SOCS7: variants seen among roughly 807,000 people sequenced by gnomAD.
SOCS7 encodes the protein suppressor of cytokine signaling 7.
In SOCS7, 18 loss-of-function variants were observed where a neutral mutation model predicts 58.9. The ratio of observed to expected loss-of-function variants is 0.31; its 90% confidence interval spans 0.21 to 0.45. SOCS7 has a LOEUF of 0.45. Among genes scored for constraint, SOCS7 ranks in the 20% least tolerant of loss-of-function variants. The pLI, the probability that SOCS7 is intolerant of heterozygous loss-of-function variation, is 1.00. For missense variants in SOCS7, 667 were observed against 837.3 expected, an observed-to-expected ratio of 0.80 and a Z score of 2.51; for synonymous variants, 388 against 364.3, an observed-to-expected ratio of 1.06 and a Z score of -0.74.
chr17:38,392,328 A>G (rs1282447213), intron 7 of SOCS7, among the ~76,000 whole-genome samples: 1 of 152,254 alleles, frequency 6.6e-6, no homozygotes, highest in South Asian at 2.1e-4. Context: ...TGTATGTTGC[A>G]TATTATCCTG....
intron 1 of SOCS7, among the ~76,000 whole-genome samples, chr17:38,360,517 A>C (rs1166088493): frequency 2.7e-5 from 4 of 146,964 alleles, no homozygotes; most frequent in African/African-American, 7.7e-5. Flanking sequence ...CTTTTTTTTT[A>C]TTTTTTTATT....
intron 7 of SOCS7, among the ~76,000 whole-genome samples, chr17:38,381,493 A>G (rs2037999590): frequency 1.3e-5 from 2 of 152,182 alleles, no homozygotes; most frequent in Non-Finnish European, 2.9e-5. Flanking sequence ...ACAAGGAGCC[A>G]GGTGTTATTC....
At chr17:38,355,922 C>T (rs1042285594) in intron 1 of SOCS7, among the ~76,000 whole-genome samples, 5 of 152,116 alleles carry the variant, frequency 3.3e-5, no homozygotes, top group East Asian at 1.9e-4. Context: ...CTTGCTCTGT[C>T]GCCCAGGCTG....
At chr17:38,373,070 C>T (rs1342593007) in intron 6 of SOCS7, among the ~76,000 whole-genome samples, 1 of 151,266 alleles carries the variant, frequency 6.6e-6, no homozygotes, top group Non-Finnish European at 1.5e-5. Flanking sequence ...CGTGCCATTG[C>T]ACTCCAGCCT....
chr17:38,377,952 T>TCCAACAGCCAGG, intron 7 of SOCS7, 110 bp downstream of exon 7: 1 of 1,009,398 alleles, frequency 9.9e-7, no homozygotes, highest in Non-Finnish European at 1.5e-6. Flanking sequence ...TTTCCCTGGC[T>TCCAACAGCCAGG]GTTGGAGCCA....
intron 7 of SOCS7, among the ~76,000 whole-genome samples, chr17:38,394,141 G>C (rs2038214400): frequency 6.6e-6 from 1 of 152,138 alleles, no homozygotes; most frequent in African/African-American, 2.4e-5. Context: ...TGCCATTCTG[G>C]ATGTCTCCAT....
At chr17:38,394,076 C>G (rs997771211) in intron 7 of SOCS7, among the ~76,000 whole-genome samples, 1 of 152,198 alleles carries the variant, frequency 6.6e-6, no homozygotes, top group Non-Finnish European at 1.5e-5. Flanking sequence ...CCTTCCATAG[C>G]CCCTTTGTTT....
intron 2 of SOCS7, 59 bp downstream of exon 2, chr17:38,361,834 T>A: frequency 8.0e-7 from 1 of 1,246,974 alleles, no homozygotes; most frequent in Non-Finnish European, 1.1e-6. Context: ...CTGAGACCTG[T>A]TGGGAAACAC....
intron 9 of SOCS7, among the ~76,000 whole-genome samples, chr17:38,397,881 G>C (rs74417417): frequency 0.035 from 5,286 of 152,226 alleles, 299 homozygotes; most frequent in African/African-American, 0.12. Context: ...AGTTTAGATG[G>C]TCAGGGAGAG....
chr17:38,389,772 T>G (rs1307026586), intron 7 of SOCS7, among the ~76,000 whole-genome samples: 1 of 139,414 alleles, frequency 7.2e-6, no homozygotes, highest in East Asian at 2.1e-4. Context: ...TATTTTCTTC[T>G]AGGAGACTTA....
Position 38,366,577 on chromosome 17 carries a change from C to T in SOCS7, c.1383+160C>T, listed in dbSNP as rs143850514. Reference sequence around the variant, plus strand: ...TGGCATAATCATAGCTCACTGTAGGCTCAAACTCCTGGGCCAAAGGATCCT... The same window carrying T: ...TGGCATAATCATAGCTCACTGTAGGTTCAAACTCCTGGGCCAAAGGATCCT... On this transcript the variant is annotated intron_variant, in intron 5 of 9. Coordinates refer to ENST00000612932, the MANE Select transcript of SOCS7 (RefSeq NM_014598.4). Among the ~76,000 whole-genome samples, 3 of 152,370 alleles carry T rather than the reference C, an allele frequency of 2.0e-5. No individual in the cohort carries two copies. In the East Asian group the frequency reaches 5.8e-4, roughly 29 times the overall value.
At chr17:38,373,234 C>T (rs534298693) in intron 6 of SOCS7, among the ~76,000 whole-genome samples, 51 of 152,128 alleles carry the variant, frequency 3.4e-4, no homozygotes, top group Admixed American at 2.6e-4. Flanking sequence ...AAGTTAATGC[C>T]GGCAATGGAT....
chr17:38,372,134 A>G (rs545066575), intron 6 of SOCS7, among the ~76,000 whole-genome samples: 4 of 152,060 alleles, frequency 2.6e-5, no homozygotes, highest in Non-Finnish European at 5.9e-5. Context: ...TATATTGGAA[A>G]ATTTTTTGGA....
rs1316838528 is a variant in SOCS7 at position 38,389,902 on chromosome 17, C to CATATATATATATGTACATATATAT, written c.1682-5402_1682-5401insTATATATGTACATATATATATATA. Among the ~76,000 whole-genome samples the CATATATATATATGTACATATATAT allele has an allele frequency of 1.9e-4, 12 of 64,704 alleles. 1 individual carries two copies. Among genetic ancestry groups the CATATATATATATGTACATATATAT allele is most frequent in the African/African-American group, 1.1e-3 (12 of 10,986 alleles). 42.4% of individuals were successfully genotyped at this position (64,704 alleles called of 152,430 possible). On this transcript the variant is annotated intron_variant, in intron 7 of 9. Transcript: ENST00000612932. ...ATATATGTACATATATATATATACA[C>CATATATATATATGTACATATATAT]ATATAGAGAGAGAGAGAGAGAGAGA...
chr17:38,351,894 G>A lies in SOCS7; in HGVS notation c.-159G>A, dbSNP rs539578509. ...GCGGAGCGCGGCCTGGGCTCGCGCT[G>A]GGCTCCGCGCGCCCCCCGCCCCCCT... On this transcript the variant is annotated 5_prime_UTR_variant, in exon 1 of 10. Transcript: ENST00000612932. Among the ~76,000 whole-genome samples, 1 of 151,124 alleles carries A rather than the reference G, an allele frequency of 6.6e-6. No individual in the cohort carries two copies. The highest frequency in any genetic ancestry group is 6.6e-5 in the Admixed American group (1 of 15,246).
chr17:38,352,094 G>C lies in SOCS7; in HGVS notation c.42G>C (p.Ala14=), dbSNP rs2037560476. The C allele has an allele frequency of 1.7e-6, 1 of 575,342 alleles. No individual in the cohort carries two copies. Among genetic ancestry groups the C allele is most frequent in the Non-Finnish European group, 2.5e-6 (1 of 402,856 alleles). 35.6% of individuals were successfully genotyped at this position (575,342 alleles called of 1,614,324 possible). Residue 14 remains alanine (A), a synonymous_variant, in exon 1 of 10, where the codon GCG becomes GCC. Coordinates refer to ENST00000612932, the MANE Select transcript of SOCS7 (RefSeq NM_014598.4). The surrounding 1 kb of genome is among the most constrained non-coding windows in gnomAD (Gnocchi z 5.5). The part of the protein sequence containing the change: ...AELRDGEAAA[A]AASYRVLSRL... Reference sequence around the variant, plus strand: ...TCCGGGATGGCGAGGCGGCGGCGGCGGCCGCTTCGTACCGCGTCCTGAGCC... The same window carrying C: ...TCCGGGATGGCGAGGCGGCGGCGGCCGCCGCTTCGTACCGCGTCCTGAGCC...
chr17:38,393,727 C>T (rs1047118106), intron 7 of SOCS7, among the ~76,000 whole-genome samples: 6 of 151,576 alleles, frequency 4.0e-5, no homozygotes, highest in African/African-American at 7.3e-5. Context: ...AGTGAAACCC[C>T]GTCCCTACTG....
At chr17:38,391,017 G>A (rs1427222830) in intron 7 of SOCS7, among the ~76,000 whole-genome samples, 1 of 151,992 alleles carries the variant, frequency 6.6e-6, no homozygotes, top group African/African-American at 2.4e-5. Context: ...CATAATATAA[G>A]TTTTGTATTT....
intron 6 of SOCS7, among the ~76,000 whole-genome samples, chr17:38,377,268 C>T (rs1476758655): frequency 2.0e-5 from 3 of 152,112 alleles, no homozygotes; most frequent in Non-Finnish European, 4.4e-5. Flanking sequence ...TTGAGTATCC[C>T]TAATCTGAAA....
Sources: gnomAD v4.1 joint callset for allele counts (sites outside exome capture counted in the v4.1 genomes callset) on GRCh38, gnomAD v4.1.1 for gene constraint, Gnocchi (gnomAD v3.1) non-coding constraint, MANE v1.5 for transcripts, NCBI Gene and HGNC (gene_info 2026-07-23, HGNC 2026-07-21) for gene names.